Variants in PCDHGA4 observed in about 807,000 individuals in gnomAD.
PCDHGA4 encodes protocadherin gamma subfamily A, 4, also known as protocadherin gamma-A4.
A neutral mutation model predicts 54.6 loss-of-function variants in PCDHGA4; 38 were observed. The observed-to-expected ratio is 0.70, with a 90% CI of 0.54 to 0.91. PCDHGA4 has a LOEUF of 0.91. PCDHGA4 is among the 40% of genes least tolerant of loss of function. The pLI, the probability that PCDHGA4 is intolerant of heterozygous loss-of-function variation, is 0.00. For synonymous variants in PCDHGA4, 511 were observed against 512.9 expected, an observed-to-expected ratio of 1.00 and a Z score of 0.05; for missense variants, 1,298 against 1,220.9, an observed-to-expected ratio of 1.06 and a Z score of -0.94.
At chr5:141,484,102 A>T (rs1404220648) in intron 1 of PCDHGA4, among the ~76,000 whole-genome samples, 1 of 152,206 alleles carries the variant, frequency 6.6e-6, no homozygotes, top group African/African-American at 2.4e-5. Flanking sequence ...GTTGGTAATT[A>T]ACAAAAGATC....
intron 1 of PCDHGA4, chr5:141,410,046 G>T: frequency 6.2e-7 from 1 of 1,613,174 alleles, no homozygotes; most frequent in Non-Finnish European, 8.5e-7. Context: ...AGTGAGCCCG[G>T]ACTCTTCAGC....
At chr5:141,398,287 C>G in intron 1 of PCDHGA4, 1 of 1,396,196 alleles carries the variant, frequency 7.2e-7, no homozygotes, top group Non-Finnish European at 9.8e-7. Flanking sequence ...CGCCACGGAC[C>G]TGGGGTTCAG....
chr5:141,465,777 C>G (rs2099109055), intron 1 of PCDHGA4, among the ~76,000 whole-genome samples: 2 of 151,768 alleles, frequency 1.3e-5, no homozygotes, highest in African/African-American at 2.4e-5. Flanking sequence ...TCTCTTGTTA[C>G]AGTTTTTTTT....
chr5:141,439,697 A>T (rs2098127217), intron 1 of PCDHGA4, among the ~76,000 whole-genome samples: 1 of 152,218 alleles, frequency 6.6e-6, no homozygotes, highest in Non-Finnish European at 1.5e-5. Flanking sequence ...CAACATTCCT[A>T]TTATGGCTCC....
At chr5:141,480,871 C>T (rs1262582761) in intron 1 of PCDHGA4, among the ~76,000 whole-genome samples, 1 of 151,930 alleles carries the variant, frequency 6.6e-6, no homozygotes, top group Non-Finnish European at 1.5e-5. Context: ...ATGGTGAAAC[C>T]CCGTCTCTAC....
intron 1 of PCDHGA4, chr5:141,403,146 G>A (rs1400601984): frequency 1.9e-6 from 3 of 1,613,938 alleles, no homozygotes; most frequent in African/African-American, 2.7e-5. Flanking sequence ...CGCCGAGTCC[G>A]CATCGTCTCT....
In PCDHGA4 at chr5:141,355,502, A is replaced by C; in HGVS notation, c.395A>C (p.Asn132Thr). 1 of 1,614,064 alleles carries C rather than the reference A, an allele frequency of 6.2e-7. No homozygotes were observed. Among genetic ancestry groups the C allele is most frequent in the Non-Finnish European group, 8.5e-7 (1 of 1,179,894 alleles). The change falls in exon 1 of 4, where the codon AAC becomes ACC. Residue 132 changes from asparagine to threonine, a missense_variant. Coordinates refer to ENST00000571252, the MANE Select transcript of PCDHGA4 (RefSeq NM_018917.4). Reference sequence around the variant, plus strand: ...GAGGAGCTCTGCGACAGATCTCCAAACTGTGTGACAAACCTGGAGATTCTT... The same window carrying C: ...GAGGAGCTCTGCGACAGATCTCCAACCTGTGTGACAAACCTGGAGATTCTT... The part of the protein sequence containing the change: ...DREELCDRSP[N>T]CVTNLEILLE...
intron 1 of PCDHGA4, chr5:141,364,596 G>A: frequency 6.2e-7 from 1 of 1,614,208 alleles, no homozygotes; most frequent in South Asian, 1.1e-5. Flanking sequence ...ACCGCGGGCA[G>A]GATAGACCGG....
chr5:141,505,190 G>A (rs1326515866), intron 2 of PCDHGA4, among the ~76,000 whole-genome samples: 1 of 152,186 alleles, frequency 6.6e-6, no homozygotes, highest in East Asian at 1.9e-4. Flanking sequence ...ATCGGAGGCA[G>A]CAAAGAGCTG....
chr5:141,456,712 C>T (rs1025899058), intron 1 of PCDHGA4, among the ~76,000 whole-genome samples: 2 of 152,190 alleles, frequency 1.3e-5, no homozygotes, highest in African/African-American at 4.8e-5. Context: ...CGCCTGTAAT[C>T]CCAGCACTTT....
At position 141,394,145 on chromosome 5, in the gene PCDHGA4, C is replaced by T. The variant is rs754958885; in HGVS notation, c.2514+36524C>T. The T allele has an allele frequency of 3.7e-6, 6 of 1,613,962 alleles. No homozygotes were observed. The East Asian group carries it at 8.9e-5, about 24-fold the overall frequency. On this transcript the variant is annotated intron_variant, in intron 1 of 3. Transcript: ENST00000571252. ...CTCAAATCGCTCTGCACGTGGCAGA[C>T]ATTAACGACAACCCTCCTACTTTCC...
In PCDHGA4 at chr5:141,493,811, A is replaced by T. The variant is rs956872917; in HGVS notation, c.2515-996A>T. Reference sequence around the variant, plus strand: ...CTCCCTGGAGTAATCTGAGATACTCACACTCTCTGCTTCTGGGAGCAAGTA... The same window carrying T: ...CTCCCTGGAGTAATCTGAGATACTCTCACTCTCTGCTTCTGGGAGCAAGTA... On this transcript the variant is annotated intron_variant, in intron 1 of 3. Transcript: ENST00000571252. The surrounding 1 kb of genome is among the most constrained non-coding windows in gnomAD (Gnocchi z 4.3). Among the ~76,000 whole-genome samples the T allele has an allele frequency of 1.3e-5, 2 of 152,154 alleles. No homozygotes were observed. The highest frequency in any genetic ancestry group is 2.9e-5 in the Non-Finnish European group (2 of 68,036).
intron 1 of PCDHGA4, among the ~76,000 whole-genome samples, chr5:141,482,985 C>T (rs971017271): frequency 1.3e-5 from 2 of 151,372 alleles, no homozygotes; most frequent in East Asian, 1.9e-4. Context: ...CTTGAGAGGT[C>T]GAGGCAGGAG....
intron 1 of PCDHGA4, chr5:141,371,107 AC>A: frequency 6.2e-7 from 1 of 1,613,650 alleles, no homozygotes; most frequent in Non-Finnish European, 8.5e-7. Context: ...GCAAATGATA[AC>A]CCCCCAGTAT....
At chr5:141,409,358 A>G (rs757614552) in intron 1 of PCDHGA4, 2 of 1,613,900 alleles carry the variant, frequency 1.2e-6, no homozygotes, top group Non-Finnish European at 8.5e-7. Flanking sequence ...CAGGTGTAAT[A>G]TAGAAACAGA....
intron 1 of PCDHGA4, chr5:141,412,443 T>C (rs1479281650): frequency 6.6e-6 from 1 of 152,204 alleles, no homozygotes; most frequent in Non-Finnish European, 1.5e-5. Context: ...TAATTAAGGC[T>C]CAGTAAAACT....
intron 1 of PCDHGA4, chr5:141,427,254 G>A (rs1013561568): frequency 1.8e-5 from 8 of 456,644 alleles, no homozygotes; most frequent in Non-Finnish European, 2.6e-5. Flanking sequence ...GGATGGTGGA[G>A]GCATGACCAG....
chr5:141,439,289 T>C (rs1454088176), intron 1 of PCDHGA4, among the ~76,000 whole-genome samples: 1 of 151,850 alleles, frequency 6.6e-6, no homozygotes, highest in African/African-American at 2.4e-5. Flanking sequence ...CTGTGTTCCA[T>C]GGAAAAAGTA....
chr5:141,404,513 G>C, intron 1 of PCDHGA4: 2 of 1,613,786 alleles, frequency 1.2e-6, no homozygotes, highest in Non-Finnish European at 8.5e-7. Context: ...GTGCTCCTTT[G>C]ACTATGAGCA....
Sources: allele counts gnomAD v4.1 joint callset (sites outside exome capture counted in the v4.1 genomes callset), GRCh38; gene constraint gnomAD v4.1.1; non-coding constraint Gnocchi (gnomAD v3.1); transcripts MANE v1.5; gene names NCBI Gene and HGNC (gene_info 2026-07-23, HGNC 2026-07-21).